Variants in HHAT observed in about 807,000 individuals in gnomAD.
The protein encoded by HHAT is protein-cysteine N-palmitoyltransferase HHAT.
In HHAT, 47 loss-of-function variants were observed where a neutral mutation model predicts 70.8. The ratio of observed to expected loss-of-function variants is 0.66; its 90% CI spans 0.53 to 0.85. HHAT has a LOEUF of 0.85. HHAT is among the 40% of genes least tolerant of loss of function. HHAT has a pLI of 0.00. For synonymous variants in HHAT, 228 were observed against 247.6 expected (o/e 0.92, Z 0.74); for missense variants, 609 against 604.8 (o/e 1.01, Z -0.07).
chr1:210,647,354 T>G (rs1293189879), intron 11 of HHAT, among the ~76,000 whole-genome samples: 1 of 152,228 alleles, frequency 6.6e-6, no homozygotes, highest in Non-Finnish European at 1.5e-5. Flanking sequence ...CTAAGAGTGA[T>G]GACTTCTACA....
At chr1:210,346,799 G>C (rs74156136) in intron 1 of HHAT, among the ~76,000 whole-genome samples, 7,304 of 152,306 alleles carry the variant, frequency 0.048, 582 homozygotes, top group African/African-American at 0.17. Context: ...CTGAGTAACT[G>C]TACACTGGCA....
chr1:210,473,729 T>C (rs2094250962), intron 8 of HHAT, among the ~76,000 whole-genome samples: 1 of 152,260 alleles, frequency 6.6e-6, no homozygotes, highest in Admixed American at 6.5e-5. Context: ...CACAGCCACC[T>C]TGATGACTGT....
chr1:210,374,633 A>G (rs749541036), intron 3 of HHAT, among the ~76,000 whole-genome samples: 1 of 151,482 alleles, frequency 6.6e-6, no homozygotes, highest in Non-Finnish European at 1.5e-5. Flanking sequence ...TTTTTGTATA[A>G]TGGGACTTGG....
At chr1:210,396,532 A>G (rs1316248258) in intron 4 of HHAT, among the ~76,000 whole-genome samples, 1 of 152,246 alleles carries the variant, frequency 6.6e-6, no homozygotes, top group Non-Finnish European at 1.5e-5. Context: ...ACTGTTTTAT[A>G]GTTTATTATA....
At chr1:210,450,944 G>A (rs964341450) in intron 7 of HHAT, among the ~76,000 whole-genome samples, 34 of 151,938 alleles carry the variant, frequency 2.2e-4, no homozygotes, top group Non-Finnish European at 4.3e-4. Context: ...AAAATTAGCC[G>A]GGTGTGGTGG....
chr1:210,571,068 G>A (rs572078759), intron 9 of HHAT, among the ~76,000 whole-genome samples: 110 of 152,328 alleles, frequency 7.2e-4, no homozygotes, highest in African/African-American at 2.4e-3. Context: ...TTGAAAAAGG[G>A]TCTGCTTCTT....
intron 9 of HHAT, among the ~76,000 whole-genome samples, chr1:210,549,707 TAAAG>T (rs72231481): frequency 0.12 from 18,176 of 148,492 alleles, 2,120 homozygotes; most frequent in East Asian, 0.18. Flanking sequence ...AGGATAAAAA[TAAAG>T]AAGCTGGGTA....
intron 10 of HHAT, 168 bp downstream of exon 10, chr1:210,588,267 G>C: frequency 1.7e-6 from 1 of 596,422 alleles, no homozygotes; most frequent in Middle Eastern, 4.5e-4. Flanking sequence ...AGCTTCTGTA[G>C]TGCATATATG....
intron 11 of HHAT, among the ~76,000 whole-genome samples, chr1:210,663,293 G>C (rs1371192600): frequency 6.6e-6 from 1 of 152,124 alleles, no homozygotes; most frequent in Non-Finnish European, 1.5e-5. Context: ...CTCCCTCTCT[G>C]TTACCTTGAG....
intron 7 of HHAT, among the ~76,000 whole-genome samples, chr1:210,436,863 A>G (rs1174631956): frequency 6.6e-6 from 1 of 151,768 alleles, no homozygotes; most frequent in Admixed American, 6.6e-5. Context: ...TCCTAGTTCC[A>G]TGAGGAACCC....
chr1:210,661,952 G>T (rs1420005071), intron 11 of HHAT, among the ~76,000 whole-genome samples: 2 of 152,120 alleles, frequency 1.3e-5, no homozygotes, highest in African/African-American at 4.8e-5. Flanking sequence ...CCTGCATGTT[G>T]TGCACAGGTA....
intron 6 of HHAT, among the ~76,000 whole-genome samples, chr1:210,414,099 T>G (rs2092645237): frequency 6.6e-6 from 1 of 152,204 alleles, no homozygotes; most frequent in Non-Finnish European, 1.5e-5. Context: ...AGTCTGGGAA[T>G]TCCATGATCA....
At chr1:210,353,432 CTG>C (rs1215404483) in intron 2 of HHAT, among the ~76,000 whole-genome samples, 14 of 90,624 alleles carry the variant, frequency 1.5e-4, no homozygotes, top group Middle Eastern at 6.0e-3. Flanking sequence ...AGGAAGTCAC[CTG>C]TTTTTTTTTT....
chr1:210,600,717 G>A (rs1208460897), intron 10 of HHAT, among the ~76,000 whole-genome samples: 3 of 152,126 alleles, frequency 2.0e-5, no homozygotes, highest in Non-Finnish European at 4.4e-5. Flanking sequence ...GAGGATTTCT[G>A]TTTAGCATTG....
At chr1:210,601,937 C>CAGAGAGAG (rs147826172) in intron 10 of HHAT, among the ~76,000 whole-genome samples, 57,415 of 147,130 alleles carry the variant, frequency 0.39, 12,205 homozygotes, top group South Asian at 0.5. Flanking sequence ...ATTTGAGACT[C>CAGAGAGAG]AGAGAGAGAG....
At chr1:210,466,368 G>A (rs1414617700) in intron 8 of HHAT, among the ~76,000 whole-genome samples, 1 of 152,250 alleles carries the variant, frequency 6.6e-6, no homozygotes, top group Admixed American at 6.5e-5. Context: ...TGGCAAAGAG[G>A]TGCTCTCTAA....
At chr1:210,534,225 C>G (rs2148642790) in intron 9 of HHAT, among the ~76,000 whole-genome samples, 1 of 152,262 alleles carries the variant, frequency 6.6e-6, no homozygotes, top group South Asian at 2.1e-4. Context: ...TCTGATGGCT[C>G]ACGTGGAGCC....
intron 9 of HHAT, among the ~76,000 whole-genome samples, chr1:210,587,165 A>G (rs939650698): frequency 6.6e-6 from 1 of 152,206 alleles, no homozygotes; most frequent in Non-Finnish European, 1.5e-5. Context: ...GTATTAGTCC[A>G]TTTTCATACT....
rs538767474 is a variant in HHAT, at chr1:210,554,908, A to G, written c.1044-32990A>G. ...TGGGTCCCCTGGAAGATGATTGGGC[A>G]TGAGCCATCCTGCTGGTGTTTTCTC... On this transcript the variant is annotated intron_variant, in intron 9 of 11. Coordinates refer to ENST00000261458, the MANE Select transcript of HHAT (RefSeq NM_018194.6). 2.0e-5 allele frequency among the ~76,000 whole-genome samples: 3 copies of G among 152,286 alleles called. No individual in the cohort carries two copies. In the South Asian group the frequency reaches 6.2e-4, roughly 32 times the overall value.
Sources: gnomAD v4.1 joint callset for allele counts (sites outside exome capture counted in the v4.1 genomes callset) on GRCh38, gnomAD v4.1.1 for gene constraint, MANE v1.5 for transcripts, NCBI Gene and HGNC (gene_info 2026-07-23, HGNC 2026-07-21) for gene names.